The following CSNK1G3 variants were observed in gnomAD, a reference collection of about 807,000 sequenced individuals.
The protein encoded by CSNK1G3 is casein kinase 1 gamma 3, also known as casein kinase I isoform gamma-3.
Under a neutral mutation model 64.3 loss-of-function variants are expected in CSNK1G3, and 23 were observed. That is an observed-to-expected ratio of 0.36 (90% CI 0.26 to 0.51). The LOEUF (loss-of-function observed/expected upper bound fraction) is 0.51. Among genes scored for constraint, CSNK1G3 ranks in the 20% least tolerant of loss-of-function variants. CSNK1G3 has a pLI of 0.96. For synonymous variants in CSNK1G3, 158 were observed against 162.2 expected (o/e 0.97, Z 0.20); for missense variants, 357 against 510.5 (o/e 0.70, Z 2.90).
chr5:123,607,876 T>C (rs1419832647), intron 12 of CSNK1G3, among the ~76,000 whole-genome samples: 1 of 152,202 alleles, frequency 6.6e-6, no homozygotes, highest in Admixed American at 6.5e-5. Context: ...CAAGATTTTT[T>C]CTTTAGGTTT....
intron 10 of CSNK1G3, among the ~76,000 whole-genome samples, chr5:123,597,823 C>G (rs1006081800): frequency 2.0e-5 from 3 of 152,114 alleles, no homozygotes; most frequent in African/African-American, 7.2e-5. Context: ...AGGATTTTAA[C>G]AATTCCTCTA....
At chr5:123,588,772 CT>C (rs1791792029) in intron 8 of CSNK1G3, among the ~76,000 whole-genome samples, 3 of 152,054 alleles carry the variant, frequency 2.0e-5, no homozygotes, top group Admixed American at 6.6e-5. Context: ...TAGTGATATA[CT>C]TTTAATGAGT....
At chr5:123,555,712 T>A (rs1408100479) in intron 3 of CSNK1G3, among the ~76,000 whole-genome samples, 1 of 152,294 alleles carries the variant, frequency 6.6e-6, no homozygotes. Flanking sequence ...ACTTTTATTA[T>A]ATAGTGTTAA....
At chr5:123,536,854 A>G (rs1337746314) in intron 1 of CSNK1G3, among the ~76,000 whole-genome samples, 2 of 152,214 alleles carry the variant, frequency 1.3e-5, no homozygotes, top group Non-Finnish European at 2.9e-5. Flanking sequence ...ATCACAAATC[A>G]TCAGGGAAAT....
At chr5:123,536,912 C>T (rs1186430029) in intron 1 of CSNK1G3, among the ~76,000 whole-genome samples, 1 of 152,058 alleles carries the variant, frequency 6.6e-6, no homozygotes, top group African/African-American at 2.4e-5. Context: ...ATCATAATGA[C>T]TGTTACTAAA....
intron 12 of CSNK1G3, among the ~76,000 whole-genome samples, chr5:123,611,161 A>G (rs954301114): frequency 2.6e-5 from 4 of 152,284 alleles, no homozygotes; most frequent in African/African-American, 9.6e-5. Flanking sequence ...TGTTTCGGTA[A>G]TTACTTTTAT....
chr5:123,584,096 A>G (rs528422153), intron 6 of CSNK1G3, among the ~76,000 whole-genome samples: 14 of 152,330 alleles, frequency 9.2e-5, no homozygotes, highest in African/African-American at 3.4e-4. Context: ...TTCTACATAT[A>G]CAATCCTGTT....
chr5:123,610,130 A>T (rs1796062997), intron 12 of CSNK1G3, among the ~76,000 whole-genome samples: 1 of 152,148 alleles, frequency 6.6e-6, no homozygotes, highest in South Asian at 2.1e-4. Context: ...ATGGGCCTGC[A>T]GGCTTTTGGT....
intron 10 of CSNK1G3, among the ~76,000 whole-genome samples, chr5:123,593,202 T>TATATACAC (rs375876147): frequency 9.5e-5 from 14 of 146,930 alleles, no homozygotes; most frequent in East Asian, 2.0e-4. Flanking sequence ...TGTGTATATA[T>TATATACAC]ACACACACAC....
chr5:123,532,496 G>A (rs1261544215), intron 1 of CSNK1G3, among the ~76,000 whole-genome samples: 2 of 151,728 alleles, frequency 1.3e-5, no homozygotes, highest in East Asian at 3.9e-4. Context: ...CTTTTCAGTG[G>A]TTCTTAACTT....
chr5:123,591,633 A>G (rs763472374), intron 10 of CSNK1G3, among the ~76,000 whole-genome samples: 27 of 152,094 alleles, frequency 1.8e-4, no homozygotes, highest in Non-Finnish European at 3.7e-4. Flanking sequence ...TTTTAGGAAT[A>G]TGTGATATTC....
chr5:123,560,553 G>A (rs1312793744), intron 4 of CSNK1G3, among the ~76,000 whole-genome samples: 2 of 152,170 alleles, frequency 1.3e-5, no homozygotes, highest in Non-Finnish European at 2.9e-5. Context: ...AAGGCTAGGT[G>A]TGGTGGCTCA....
intron 12 of CSNK1G3, among the ~76,000 whole-genome samples, chr5:123,608,108 G>T (rs1325532968): frequency 2.0e-5 from 3 of 151,990 alleles, no homozygotes; most frequent in African/African-American, 7.3e-5. Context: ...TTTCTAAATT[G>T]CATCTTATAC....
At chr5:123,588,677 G>A (rs762432225) in intron 8 of CSNK1G3, among the ~76,000 whole-genome samples, 166 bp downstream of exon 8, 7 of 152,032 alleles carry the variant, frequency 4.6e-5, no homozygotes, top group Non-Finnish European at 7.4e-5. Flanking sequence ...GACACTTTGT[G>A]TATTTGCTTT....
chr5:123,556,510 TTC>T (rs1784649756), intron 3 of CSNK1G3, among the ~76,000 whole-genome samples: 1 of 152,022 alleles, frequency 6.6e-6, no homozygotes, highest in South Asian at 2.1e-4. Context: ...TATATAGTTT[TTC>T]TGTCTGCCTT....
intron 6 of CSNK1G3, among the ~76,000 whole-genome samples, chr5:123,579,139 G>T (rs955742120): frequency 3.3e-5 from 5 of 151,632 alleles, no homozygotes; most frequent in African/African-American, 1.2e-4. Flanking sequence ...ATTCTCCCCA[G>T]CTTTAGCTAC....
intron 10 of CSNK1G3, among the ~76,000 whole-genome samples, chr5:123,597,641 TATC>T (rs531324735): frequency 3.3e-5 from 5 of 152,082 alleles, no homozygotes; most frequent in Admixed American, 1.3e-4. Context: ...TAGTAGAAGT[TATC>T]AGCAGAGTCT....
intron 10 of CSNK1G3, among the ~76,000 whole-genome samples, chr5:123,593,187 G>T (rs1363640009): frequency 9.0e-6 from 1 of 111,578 alleles, no homozygotes; most frequent in Non-Finnish European, 1.9e-5. Context: ...TGTAGGGTGG[G>T]TGTGTGTGTA....
chr5:123,549,472 C>T (rs951759322), intron 2 of CSNK1G3, among the ~76,000 whole-genome samples: 2 of 152,198 alleles, frequency 1.3e-5, no homozygotes, highest in Non-Finnish European at 2.9e-5. Context: ...GGCCCATACA[C>T]CCAAGAGGCA....
Sources: allele counts gnomAD v4.1 joint callset (sites outside exome capture counted in the v4.1 genomes callset), GRCh38; gene constraint gnomAD v4.1.1; transcripts MANE v1.5; gene names NCBI Gene and HGNC (gene_info 2026-07-23, HGNC 2026-07-21).